LRMDA: variants seen among roughly 807,000 people sequenced by gnomAD.
LRMDA encodes the protein leucine rich melanocyte differentiation associated.
LRMDA carries 18 observed loss-of-function variants against 29.8 expected under a neutral mutation model. The ratio of observed to expected loss-of-function variants is 0.60; its 90% CI spans 0.42 to 0.90. The LOEUF is 0.90. LRMDA is among the 40% of genes least tolerant of loss of function. The probability of loss-of-function intolerance (pLI) is 0.00; values close to 1 mark genes in which losing one functional copy is unlikely to be tolerated. For missense variants in LRMDA, 273 were observed against 273.9 expected (o/e 1.00, Z 0.02); for synonymous variants, 125 against 109.4 (o/e 1.14, Z -0.89).
At chr10:75,857,725 C>A (rs996959087) in intron 2 of LRMDA, among the ~76,000 whole-genome samples, 1 of 152,122 alleles carries the variant, frequency 6.6e-6, no homozygotes, top group African/African-American at 2.4e-5. Context: ...AGATGCAGGG[C>A]AAATCATGTT....
intron 2 of LRMDA, among the ~76,000 whole-genome samples, chr10:75,812,879 G>A (rs1426246057): frequency 2.0e-5 from 3 of 152,156 alleles, no homozygotes; most frequent in Non-Finnish European, 4.4e-5. Flanking sequence ...ATTCAACAGC[G>A]ATTAGGTTAT....
chr10:76,208,000 A>T (rs1031519148), intron 5 of LRMDA, among the ~76,000 whole-genome samples: 1 of 152,096 alleles, frequency 6.6e-6, no homozygotes, highest in South Asian at 2.1e-4. Context: ...TCCTGTTCCC[A>T]GTGAGAAGGC....
At chr10:76,277,392 G>A (rs1235796349) in intron 5 of LRMDA, among the ~76,000 whole-genome samples, 1 of 152,198 alleles carries the variant, frequency 6.6e-6, no homozygotes, top group East Asian at 1.9e-4. Flanking sequence ...GGAAGAGATA[G>A]GAGGTAGTGG....
chr10:75,475,379 C>T (rs932255847), intron 2 of LRMDA, among the ~76,000 whole-genome samples: 6 of 141,538 alleles, frequency 4.2e-5, no homozygotes, highest in South Asian at 2.2e-4. Context: ...AGGAAGGAGT[C>T]GTGCAGGAGT....
At chr10:75,861,818 G>T (rs1425613284) in intron 2 of LRMDA, among the ~76,000 whole-genome samples, 1 of 152,156 alleles carries the variant, frequency 6.6e-6, no homozygotes, top group Non-Finnish European at 1.5e-5. Context: ...TGGCAAATGG[G>T]ACATTAGCAT....
chr10:75,997,772 C>T (rs1403990345), intron 2 of LRMDA, among the ~76,000 whole-genome samples: 1 of 152,186 alleles, frequency 6.6e-6, no homozygotes, highest in Non-Finnish European at 1.5e-5. Flanking sequence ...TACAGTGTGG[C>T]CATTGTGGGC....
intron 2 of LRMDA, among the ~76,000 whole-genome samples, chr10:76,006,981 G>GGTGTGTGTGTGT (rs1847673989): frequency 2.4e-5 from 2 of 84,452 alleles, no homozygotes; most frequent in South Asian, 3.9e-4. Context: ...GGATGGAGAA[G>GGTGTGTGTGTGT]GCGTGTGTGT....
chr10:76,390,790 C>T (rs998459786), intron 6 of LRMDA, among the ~76,000 whole-genome samples: 2 of 152,146 alleles, frequency 1.3e-5, no homozygotes, highest in Non-Finnish European at 2.9e-5. Flanking sequence ...ATTTGTCAGC[C>T]CCCTTCCCCT....
intron 6 of LRMDA, among the ~76,000 whole-genome samples, chr10:76,495,028 C>T (rs1168746025): frequency 6.6e-6 from 1 of 151,836 alleles, no homozygotes; most frequent in Non-Finnish European, 1.5e-5. Flanking sequence ...TAGTATGTCA[C>T]ATTTTCCTCT....
At chr10:75,658,956 G>T (rs1841713799) in intron 2 of LRMDA, among the ~76,000 whole-genome samples, 1 of 152,192 alleles carries the variant, frequency 6.6e-6, no homozygotes, top group African/African-American at 2.4e-5. Context: ...CTCAGGTTTG[G>T]AGCCCAATCA....
chr10:75,847,765 C>T (rs754626452), intron 2 of LRMDA, among the ~76,000 whole-genome samples: 1 of 152,052 alleles, frequency 6.6e-6, no homozygotes, highest in Non-Finnish European at 1.5e-5. Flanking sequence ...CATCACTAAT[C>T]ATAAGGGGAA....
intron 5 of LRMDA, among the ~76,000 whole-genome samples, chr10:76,177,123 T>C (rs535079423): frequency 1.3e-5 from 2 of 152,230 alleles, no homozygotes; most frequent in African/African-American, 2.4e-5. Context: ...CTGCGTATCA[T>C]TGGAGACTTC....
chr10:75,874,913 A>G (rs1845170890), intron 2 of LRMDA, among the ~76,000 whole-genome samples: 1 of 152,252 alleles, frequency 6.6e-6, no homozygotes, highest in South Asian at 2.1e-4. Flanking sequence ...CTATCAATTC[A>G]GTTCAGTGAG....
At chr10:76,036,399 T>G (rs1205844671) in intron 3 of LRMDA, among the ~76,000 whole-genome samples, 1 of 152,026 alleles carries the variant, frequency 6.6e-6, no homozygotes, top group African/African-American at 2.4e-5. Context: ...GAGATCTAAG[T>G]TATGGCTGTG....
chr10:75,448,321 C>G (rs1844418010), intron 2 of LRMDA, among the ~76,000 whole-genome samples: 2 of 152,142 alleles, frequency 1.3e-5, no homozygotes, highest in Admixed American at 6.5e-5. Flanking sequence ...TGTAAAGTCT[C>G]TCTCTCTCCC....
chr10:75,934,785 C>T (rs1287688314), intron 2 of LRMDA, among the ~76,000 whole-genome samples: 6 of 152,200 alleles, frequency 3.9e-5, no homozygotes, highest in Non-Finnish European at 8.8e-5. Context: ...AAGCCACTAC[C>T]TGGAGGCAGT....
chr10:76,414,038 C>T (rs187488292), intron 6 of LRMDA, among the ~76,000 whole-genome samples: 2 of 152,140 alleles, frequency 1.3e-5, no homozygotes, highest in Non-Finnish European at 2.9e-5. Flanking sequence ...GACTTCAAAC[C>T]CAGGCAGAAT....
chr10:75,448,158 A>G (rs1268544377), intron 2 of LRMDA, among the ~76,000 whole-genome samples: 1 of 152,240 alleles, frequency 6.6e-6, no homozygotes, highest in Non-Finnish European at 1.5e-5. Flanking sequence ...AACTTGCAAT[A>G]TAATTTAGAA....
At chr10:76,406,592 C>T (rs2132503031) in intron 6 of LRMDA, among the ~76,000 whole-genome samples, 1 of 152,278 alleles carries the variant, frequency 6.6e-6, no homozygotes, top group South Asian at 2.1e-4. Flanking sequence ...AGTGGTCCTT[C>T]TCACTTTGCT....
Sources: gnomAD v4.1 joint callset for allele counts (sites outside exome capture counted in the v4.1 genomes callset) on GRCh38, gnomAD v4.1.1 for gene constraint, MANE v1.5 for transcripts, NCBI Gene and HGNC (gene_info 2026-07-23, HGNC 2026-07-21) for gene names.